Variants in CAMTA1 observed in about 807,000 individuals in gnomAD.
The protein encoded by CAMTA1 is calmodulin binding transcription activator 1, also known as calmodulin-binding transcription activator 1.
CAMTA1 carries 27 observed loss-of-function variants against 170.9 expected under a neutral mutation model. The observed-to-expected ratio is 0.16, with a 90% CI of 0.12 to 0.22. CAMTA1 has a LOEUF of 0.22. CAMTA1 is among the 10% of genes least tolerant of loss of function. CAMTA1 has a pLI of 1.00. For missense variants in CAMTA1, 1,619 were observed against 2,217.2 expected (o/e 0.73, Z 5.42); for synonymous variants, 833 against 891.5 (o/e 0.93, Z 1.17).
At chr1:7,469,290 G>A (rs1158985544) in intron 6 of CAMTA1, among the ~76,000 whole-genome samples, 1 of 152,196 alleles carries the variant, frequency 6.6e-6, no homozygotes, top group Non-Finnish European at 1.5e-5. Context: ...GTCATGGGAT[G>A]AGGCTTTTGG....
chr1:7,038,391 A>C (rs1703946358), intron 3 of CAMTA1, among the ~76,000 whole-genome samples: 1 of 152,236 alleles, frequency 6.6e-6, no homozygotes, highest in Non-Finnish European at 1.5e-5. Flanking sequence ...TACAGAGATC[A>C]ATGCCATATA....
intron 6 of CAMTA1, among the ~76,000 whole-genome samples, chr1:7,601,133 C>G (rs1211839158): frequency 2.0e-5 from 3 of 147,858 alleles, no homozygotes; most frequent in South Asian, 2.1e-4. Flanking sequence ...ACCTCCCTCC[C>G]GGACGGGGCG....
At chr1:6,830,017 A>C (rs958140422) in intron 3 of CAMTA1, among the ~76,000 whole-genome samples, 2 of 151,430 alleles carry the variant, frequency 1.3e-5, no homozygotes, top group African/African-American at 2.4e-5. Context: ...GATAGTTTTG[A>C]TTCTTTTTTT....
chr1:6,919,842 T>G (rs1036702491), intron 3 of CAMTA1, among the ~76,000 whole-genome samples: 1 of 152,122 alleles, frequency 6.6e-6, no homozygotes, highest in South Asian at 2.1e-4. Flanking sequence ...TTATTCGCTA[T>G]TACGAGAACA....
chr1:7,509,739 G>A (rs1472131247), intron 6 of CAMTA1, among the ~76,000 whole-genome samples: 1 of 152,152 alleles, frequency 6.6e-6, no homozygotes, highest in Non-Finnish European at 1.5e-5. Flanking sequence ...ATGCCCCCAG[G>A]TGGGGACATC....
Position 7,286,372 on chromosome 1 carries a change from C to T in CAMTA1, c.438+36746C>T, listed in dbSNP as rs1487718749. Among the ~76,000 whole-genome samples, 1 of 152,206 alleles carries T rather than the reference C, an allele frequency of 6.6e-6. No homozygotes were observed. Among genetic ancestry groups the T allele is most frequent in the East Asian group, 1.9e-4 (1 of 5,198 alleles). ...TCTATGGGTGGTCCTGGAAGATCGT[C>T]ATGGGGGTCTTCAGCTATTGGTGGC... On this transcript the variant is annotated intron_variant, in intron 5 of 22. Coordinates refer to ENST00000303635, the MANE Select transcript of CAMTA1 (RefSeq NM_015215.4). This position sits in a 1 kb window ranked among gnomAD's most constrained non-coding sequence, Gnocchi z 4.2.
intron 6 of CAMTA1, among the ~76,000 whole-genome samples, chr1:7,493,082 A>G (rs1557806778): frequency 1.1e-5 from 1 of 90,510 alleles, no homozygotes; most frequent in African/African-American, 5.7e-5. Flanking sequence ...CAGACATACA[A>G]ACGTGAGCAC....
rs566397009 is a variant in CAMTA1 at position 7,099,382 on chromosome 1, G to A, written c.302+8011G>A. 2.3e-4 allele frequency among the ~76,000 whole-genome samples: 35 copies of A among 152,200 alleles called. 1 individual carries two copies. The South Asian group carries it at 7.3e-3, about 32-fold the overall frequency. ...TCTTTTATTTTTATAAAAATTATACGTGTACATAGTTTAGTATGTCAAATG... is the reference window on the plus strand; with the variant it reads ...TCTTTTATTTTTATAAAAATTATACATGTACATAGTTTAGTATGTCAAATG... On this transcript the variant is annotated intron_variant, in intron 4 of 22. Transcript: ENST00000303635.
intron 6 of CAMTA1, among the ~76,000 whole-genome samples, chr1:7,621,602 A>G (rs1385606605): frequency 6.6e-6 from 1 of 152,230 alleles, no homozygotes; most frequent in African/African-American, 2.4e-5. Context: ...ATTTCCTGTC[A>G]GGTGCCTCTG....
intron 3 of CAMTA1, chr1:6,871,773 G>A (rs774731439): frequency 9.1e-6 from 14 of 1,534,490 alleles, no homozygotes; most frequent in South Asian, 2.4e-5. Flanking sequence ...TGATGCAGCC[G>A]TCCTTTTGGA....
At position 7,295,119 on chromosome 1, in the gene CAMTA1, C is replaced by T. The variant is rs571347022; in HGVS notation, c.438+45493C>T. Among the ~76,000 whole-genome samples, 3 of 152,274 alleles carry T rather than the reference C, an allele frequency of 2.0e-5. No homozygotes were observed. The East Asian group carries it at 5.8e-4, about 29-fold the overall frequency. ...ACTCCACCTTCACTTACATCTGACT[C>T]GGGCAGTTATGTAACCTTCTGGCTT... is the stretch of plus-strand genomic sequence containing the variant. On this transcript the variant is annotated intron_variant, in intron 5 of 22. Transcript: ENST00000303635.
intron 5 of CAMTA1, among the ~76,000 whole-genome samples, chr1:7,257,534 C>T (rs1574252163): frequency 6.6e-6 from 1 of 151,888 alleles, no homozygotes; most frequent in East Asian, 1.9e-4. Flanking sequence ...GTCCTGAAGC[C>T]GTAGCTTCCG....
At chr1:7,553,913 TGCCCCC>T (rs1480481522) in intron 6 of CAMTA1, among the ~76,000 whole-genome samples, 1 of 152,186 alleles carries the variant, frequency 6.6e-6, no homozygotes, top group African/African-American at 2.4e-5. Flanking sequence ...CCAACATGAC[TGCCCCC>T]CTGCTCTGTC....
At position 7,249,420 on chromosome 1, in the gene CAMTA1, G is replaced by A. The variant is rs1170182871; in HGVS notation, c.303-71G>A. 2 of 1,402,824 alleles carry A rather than the reference G, an allele frequency of 1.4e-6. No homozygotes were observed. The highest frequency in any genetic ancestry group is 2.0e-6 in the Non-Finnish European group (2 of 1,020,410). 86.9% of individuals were successfully genotyped at this position (1,402,824 alleles called of 1,614,324 possible). A position where few individuals can be genotyped will look rare whatever the true frequency, so the allele number is the denominator to read the frequency against. On this transcript the variant is annotated intron_variant, in intron 4 of 22. Transcript: ENST00000303635. This position sits in a 1 kb window ranked among gnomAD's most constrained non-coding sequence, Gnocchi z 4.4. The stretch of plus-strand genomic sequence containing the variant: ...TTTTCTGTAGAGACTTTTACTGGTC[G>A]ATGATATCTTTCTTCATAAATTTTT...
At chr1:6,808,226 G>T (rs1557594981) in intron 1 of CAMTA1, among the ~76,000 whole-genome samples, 1 of 145,702 alleles carries the variant, frequency 6.9e-6, no homozygotes, top group African/African-American at 2.5e-5. Flanking sequence ...GCTTTTAGAA[G>T]TTTTTTTTTT....
intron 5 of CAMTA1, among the ~76,000 whole-genome samples, chr1:7,338,614 G>T (rs117819824): frequency 6.6e-6 from 1 of 152,176 alleles, no homozygotes; most frequent in African/African-American, 2.4e-5. Flanking sequence ...CATGGGAAAG[G>T]CATTCAGTCA....
chr1:7,201,030 G>A (rs1656584100), intron 4 of CAMTA1, among the ~76,000 whole-genome samples: 1 of 152,114 alleles, frequency 6.6e-6, no homozygotes, highest in Non-Finnish European at 1.5e-5. Context: ...ATGTTATGTA[G>A]CCATCACTTC....
At chr1:6,802,216 G>T (rs1207505840) in intron 1 of CAMTA1, among the ~76,000 whole-genome samples, 2 of 152,160 alleles carry the variant, frequency 1.3e-5, no homozygotes, top group Non-Finnish European at 2.9e-5. Context: ...TTCACATGTA[G>T]CTTCCTTGCT....
intron 7 of CAMTA1, among the ~76,000 whole-genome samples, chr1:7,655,220 C>G (rs2095883785): frequency 1.5e-5 from 1 of 64,608 alleles, no homozygotes. Context: ...ACACACCCAT[C>G]TATACACACA....
Sources: gnomAD v4.1 joint callset for allele counts (sites outside exome capture counted in the v4.1 genomes callset) on GRCh38, gnomAD v4.1.1 for gene constraint, Gnocchi (gnomAD v3.1) non-coding constraint, MANE v1.5 for transcripts, NCBI Gene and HGNC (gene_info 2026-07-23, HGNC 2026-07-21) for gene names.